Variants in ALPG observed in about 807,000 individuals in gnomAD.
ALPG encodes alkaline phosphatase, germ cell.
In ALPG, 32 loss-of-function variants were observed where a neutral mutation model predicts 48.6. The ratio of observed to expected loss-of-function variants is 0.66; its 90% CI spans 0.50 to 0.88. ALPG has a LOEUF of 0.88. Ranked by LOEUF, ALPG falls within the 40% of genes least tolerant of loss-of-function variation. The pLI, the probability that ALPG is intolerant of heterozygous loss-of-function variation, is 0.00. For missense variants in ALPG, 533 were observed against 718.1 expected (o/e 0.74, Z 2.95); for synonymous variants, 244 against 308.9 (o/e 0.79, Z 2.20).
rs576271845 is a variant in ALPG, at chr2:232,407,956, C to A, written c.587C>A (p.Ser196Ter). The A allele has an allele frequency of 1.2e-6, 2 of 1,613,134 alleles. No homozygotes were observed. The highest frequency in any genetic ancestry group is 4.5e-5 in the East Asian group (2 of 44,888). Residue 196 changes from serine (S) to a stop codon, truncating the protein, a stop_gained, in exon 5 of 11, where the codon TCG becomes TAG. Coordinates refer to ENST00000295453, the MANE Select transcript of ALPG (RefSeq NM_031313.3). LOFTEE classifies it high-confidence loss of function. ...TACTCGGATGCCGACGTGCCTGCCT[C>A]GGCCCGCCAGGAGGGGTGCCAGGAC... ...NWYSDADVPA[S>*]ARQEGCQDIA...
rs1697117676 is a variant in ALPG, at chr2:232,407,831, T to C, written c.476-14T>C. On this transcript the variant is annotated splice_polypyrimidine_tract_variant and intron_variant, in intron 4 of 10. Coordinates refer to ENST00000295453, the MANE Select transcript of ALPG (RefSeq NM_031313.3). ...CAGACCTCTATCGCATATCCTGACC[T>C]CTATCACCCTCAGGAAAGTCAGTGG... The C allele has an allele frequency of 2.5e-6, 4 of 1,613,606 alleles. No homozygotes were observed. The highest frequency in any genetic ancestry group is 1.3e-5 in the African/African-American group (1 of 75,062).
In ALPG at chr2:232,407,766, C is replaced by G. The variant is rs1194904518; in HGVS notation, c.473C>G (p.Ala158Gly). Residue 158 changes from alanine (A) to glycine (G), a missense_variant and splice_region_variant, in exon 4 of 11, where the codon GCA becomes GGA. Ala to Gly is a moderately conservative substitution (Grantham distance 60). Around this residue, in one of 6 missense-constraint regions of ALPG, gnomAD observed 315 missense variants for 305.8 expected, o/e 1.03. Transcript: ENST00000295453. Reference sequence around the variant, plus strand: ...TCCGTGATGAATCGGGCCAAGAAAGCAGGTGAGCTGGGGCCCGCTGTGGGG... The same window carrying G: ...TCCGTGATGAATCGGGCCAAGAAAGGAGGTGAGCTGGGGCCCGCTGTGGGG... ...VISVMNRAKK[A>G]GKSVGVVTTT... 1.9e-6 allele frequency: 3 copies of G among 1,613,792 alleles called. No homozygotes were observed. In the East Asian group the frequency reaches 6.7e-5, roughly 36 times the overall value.
chr2:232,407,762 A>C lies in ALPG; in HGVS notation c.469A>C (p.Lys157Gln), dbSNP rs3116148. The C allele has an allele frequency of 6.2e-7, 1 of 1,613,822 alleles. No homozygotes were observed. The highest frequency in any genetic ancestry group is 8.5e-7 in the Non-Finnish European group (1 of 1,180,018). Residue 157 changes from lysine (K) to glutamine (Q), a missense_variant, in exon 4 of 11, where the codon AAA (lysine) becomes CAA (glutamine). Transcript: ENST00000295453. ...EVISVMNRAK[K>Q]AGKSVGVVTT... ...CATCTCCGTGATGAATCGGGCCAAGAAAGCAGGTGAGCTGGGGCCCGCTGT... is the reference window on the plus strand; with the variant it reads ...CATCTCCGTGATGAATCGGGCCAAGCAAGCAGGTGAGCTGGGGCCCGCTGT...
chr2:232,409,857 G>C lies in ALPG; in HGVS notation c.1584G>C (p.Thr528=), dbSNP rs765257292. Residue 528 remains threonine, a synonymous_variant, in exon 11 of 11, where the codon ACG becomes ACC. Coordinates refer to ENST00000295453, the MANE Select transcript of ALPG (RefSeq NM_031313.3). ...LLAGTLLLLG[T]ATAP is the part of the protein sequence containing the mutation. ...CAGGGACCTTGCTGCTGCTGGGGAC[G>C]GCCACTGCTCCCTGAGTGTCCCGTC... 6.3e-7 allele frequency: 1 copy of C among 1,575,536 alleles called. No homozygotes were observed. Among genetic ancestry groups the C allele is most frequent in the Non-Finnish European group, 8.6e-7 (1 of 1,165,208 alleles).
At position 232,409,922 on chromosome 2, in the gene ALPG, C is replaced by T. The variant is rs996024324; in HGVS notation, c.*50C>T. On this transcript the variant is annotated 3_prime_UTR_variant, in exon 11 of 11. Transcript: ENST00000295453. The stretch of plus-strand genomic sequence containing the variant: ...TTCCCCATCCCGGAGTTCCCCTGCT[C>T]CCCACCTCCAGTCGTCCTGCCGGAC... The T allele has an allele frequency of 1.4e-5, 21 of 1,493,218 alleles. No homozygotes were observed. Among genetic ancestry groups the T allele is most frequent in the Non-Finnish European group, 1.6e-5 (18 of 1,127,988 alleles). 92.5% of individuals were successfully genotyped at this position (1,493,218 alleles called of 1,614,324 possible).
Position 232,407,631 on chromosome 2 carries a change from C to T in ALPG, c.338C>T (p.Ala113Val), listed in dbSNP as rs1241167044. Residue 113 changes from alanine (A) to valine (V), a missense_variant, in exon 4 of 11, where the codon GCC becomes GTC. Around this residue, in one of 6 missense-constraint regions of ALPG, gnomAD observed 315 missense variants for 305.8 expected, o/e 1.03. Coordinates refer to ENST00000295453, the MANE Select transcript of ALPG (RefSeq NM_031313.3). Reference protein sequence around the residue: ...SVDKHVPDSGATATAYLCGVK... With the variant: ...SVDKHVPDSGVTATAYLCGVK... ...GACAAGCATGTGCCAGACAGTGGAG[C>T]CACAGCCACGGCCTACCTGTGCGGG... The T allele has an allele frequency of 6.2e-7, 1 of 1,613,808 alleles. No individual in the cohort carries two copies. Among genetic ancestry groups the T allele is most frequent in the Non-Finnish European group, 8.5e-7 (1 of 1,180,026 alleles).
rs553327255 is a variant in ALPG, at chr2:232,409,981, C to T, written c.*109C>T. The T allele has an allele frequency of 6.3e-6, 9 of 1,422,172 alleles. 1 individual carries two copies. In the East Asian group the frequency reaches 7.5e-5, roughly 12 times the overall value. The allele number at this position is 1,422,172 out of a possible 1,614,324, so 88.1% of individuals were successfully genotyped here. ...GGAGCTGTCACCCCCGGAGTCGCCACACAGACGTCCTGCCATGGAACCTTC... is the reference window on the plus strand; with the variant it reads ...GGAGCTGTCACCCCCGGAGTCGCCATACAGACGTCCTGCCATGGAACCTTC... On this transcript the variant is annotated 3_prime_UTR_variant, in exon 11 of 11. Coordinates refer to ENST00000295453, the MANE Select transcript of ALPG (RefSeq NM_031313.3).
Position 232,407,999 on chromosome 2 carries a change from C to T in ALPG, c.630C>T (p.Ile210=). 6.2e-7 allele frequency: 1 copy of T among 1,612,150 alleles called. No homozygotes were observed. The highest frequency in any genetic ancestry group is 8.5e-7 in the Non-Finnish European group (1 of 1,179,444). The stretch of plus-strand genomic sequence containing the variant: ...GCCAGGACATCGCCACGCAGCTCAT[C>T]TCCAACATGGACATTGATGTGCGAC... The part of the protein sequence containing the change: ...EGCQDIATQL[I]SNMDIDVILG... The change falls in exon 5 of 11, where the codon ATC becomes ATT. Residue 210 remains isoleucine, a synonymous_variant. Transcript: ENST00000295453.
rs766956178 is a variant in ALPG, at chr2:232,407,098, G to A, written c.109G>A (p.Glu37Lys). Reference sequence around the variant, plus strand: ...GGACTTCTGGAACCGCCAGGCAGCCGAGGCCCTGGGTGCCGCCAAGAAGCT... The same window carrying A: ...GGACTTCTGGAACCGCCAGGCAGCCAAGGCCCTGGGTGCCGCCAAGAAGCT... ...NPDFWNRQAA[E>K]ALGAAKKLQP... The change falls in exon 2 of 11, where the codon GAG becomes AAG. Residue 37 changes from glutamate to lysine, a missense_variant. Physicochemically the swap from Glu to Lys is moderately conservative, Grantham distance 56. Around this residue, in one of 6 missense-constraint regions of ALPG, gnomAD observed 315 missense variants for 305.8 expected, o/e 1.03. Coordinates refer to ENST00000295453, the MANE Select transcript of ALPG (RefSeq NM_031313.3). The A allele has an allele frequency of 1.2e-5, 20 of 1,613,808 alleles. No homozygotes were observed. The highest frequency in any genetic ancestry group is 3.3e-5 in the Admixed American group (2 of 59,982).
rs766272646 is a variant in ALPG, at chr2:232,407,961, C to A, written c.592C>A (p.Arg198Ser). The change falls in exon 5 of 11, where the codon CGC (arginine) becomes AGC (serine). Residue 198 changes from arginine (R) to serine (S), a missense_variant. Physicochemically the swap from Arg to Ser is moderately radical, Grantham distance 110. Coordinates refer to ENST00000295453, the MANE Select transcript of ALPG (RefSeq NM_031313.3). Reference sequence around the variant, plus strand: ...GGATGCCGACGTGCCTGCCTCGGCCCGCCAGGAGGGGTGCCAGGACATCGC... The same window carrying A: ...GGATGCCGACGTGCCTGCCTCGGCCAGCCAGGAGGGGTGCCAGGACATCGC... ...YSDADVPASA[R>S]QEGCQDIATQ... 2 of 1,613,044 alleles carry A rather than the reference C, an allele frequency of 1.2e-6. No homozygotes were observed. Among genetic ancestry groups the A allele is most frequent in the African/African-American group, 1.3e-5 (1 of 74,934 alleles).
Position 232,409,835 on chromosome 2 carries a change from G to T in ALPG, c.1562G>T (p.Gly521Val). Reference protein sequence around the residue: ...VVPALLPLLAGTLLLLGTATA... With the variant: ...VVPALLPLLAVTLLLLGTATA... ...CCCGCGTTGCTTCCTCTGCTGGCAG[G>T]GACCTTGCTGCTGCTGGGGACGGCC... The change falls in exon 11 of 11, where the codon GGG becomes GTG. Residue 521 changes from glycine to valine, a missense_variant. By Grantham distance (109) the Gly-to-Val change is moderately radical (BLOSUM62 -3). Coordinates refer to ENST00000295453, the MANE Select transcript of ALPG (RefSeq NM_031313.3). 6.3e-7 allele frequency: 1 copy of T among 1,587,270 alleles called. No individual in the cohort carries two copies. The highest frequency in any genetic ancestry group is 8.5e-7 in the Non-Finnish European group (1 of 1,169,888).
chr2:232,409,429 T>C lies in ALPG; in HGVS notation c.1281T>C (p.Asp427=). The change falls in exon 10 of 11, where the codon GAT becomes GAC. Residue 427 remains aspartate, a synonymous_variant. Transcript: ENST00000295453. ...GYVLKDGARP[D]VTESESGSPE... is the part of the protein sequence containing the mutation. ...TGCTCAAGGACGGCGCCCGGCCGGA[T>C]GTTACGGAGAGCGAGAGCGGTGAGT... 2 of 1,455,074 alleles carry C rather than the reference T, an allele frequency of 1.4e-6. No individual in the cohort carries two copies. Among genetic ancestry groups the C allele is most frequent in the Non-Finnish European group, 1.9e-6 (2 of 1,057,074 alleles). The allele number at this position is 1,455,074 out of a possible 1,614,324, so 90.1% of individuals were successfully genotyped here.
At position 232,409,609 on chromosome 2, in the gene ALPG, C is replaced by T. The variant is rs773454100; in HGVS notation, c.1336C>T (p.Leu446=). 5.6e-6 allele frequency: 9 copies of T among 1,612,810 alleles called. No individual in the cohort carries two copies. Among genetic ancestry groups the T allele is most frequent in the Non-Finnish European group, 6.8e-6 (8 of 1,179,778 alleles). Residue 446 remains leucine (L), a synonymous_variant, in exon 11 of 11, where the codon CTG becomes TTG. Transcript: ENST00000295453. ...GTATCGGCAGCAGTCAGCAGTGCCC[C>T]TGGACGGAGAGACCCACGCAGGCGA... ...PEYRQQSAVP[L]DGETHAGEDV... is the part of the protein sequence containing the mutation.
At position 232,407,091 on chromosome 2, in the gene ALPG, G is replaced by A; in HGVS notation, c.102G>A (p.Gln34=). The change falls in exon 2 of 11, where the codon CAG becomes CAA. Residue 34 remains glutamine, a synonymous_variant. Transcript: ENST00000295453. ...AGAACCCGGACTTCTGGAACCGCCA[G>A]GCAGCCGAGGCCCTGGGTGCCGCCA... ...EEENPDFWNR[Q]AAEALGAAKK... 1 of 1,613,854 alleles carries A rather than the reference G, an allele frequency of 6.2e-7. No homozygotes were observed. The highest frequency in any genetic ancestry group is 8.5e-7 in the Non-Finnish European group (1 of 1,180,000).
chr2:232,408,499 A>G lies in ALPG; in HGVS notation c.784-2A>G. The G allele has an allele frequency of 1.3e-6, 2 of 1,594,340 alleles. No individual in the cohort carries two copies. Among genetic ancestry groups the G allele is most frequent in the African/African-American group, 2.8e-5 (2 of 72,092 alleles). On this transcript the variant is annotated splice_acceptor_variant, in intron 6 of 10. Transcript: ENST00000295453. LOFTEE classifies it high-confidence loss of function. ...GAGGCCTGGCTCTCTCCCTCCCCGCAGGGTGCCCGGTACGTGTGGAACCGC... is the reference window on the plus strand; with the variant it reads ...GAGGCCTGGCTCTCTCCCTCCCCGCGGGGTGCCCGGTACGTGTGGAACCGC...
chr2:232,407,726 G>C lies in ALPG; in HGVS notation c.433G>C (p.Gly145Arg). The C allele has an allele frequency of 6.2e-7, 1 of 1,613,726 alleles. No individual in the cohort carries two copies. The highest frequency in any genetic ancestry group is 8.5e-7 in the Non-Finnish European group (1 of 1,179,986). Residue 145 changes from glycine to arginine, a missense_variant, in exon 4 of 11, where the codon GGC (glycine) becomes CGC (arginine). Around this residue, in one of 6 missense-constraint regions of ALPG, gnomAD observed 315 missense variants for 305.8 expected, o/e 1.03. Transcript: ENST00000295453. ...CTTTAACCAGTGCAACACGACACGC[G>C]GCAACGAGGTCATCTCCGTGATGAA... ...ARFNQCNTTR[G>R]NEVISVMNRA...
Position 232,408,021 on chromosome 2 carries a change from C to T in ALPG, c.648+4C>T, listed in dbSNP as rs370897967. The T allele has an allele frequency of 9.3e-6, 15 of 1,606,364 alleles. No individual in the cohort carries two copies. The highest frequency in any genetic ancestry group is 1.3e-5 in the African/African-American group (1 of 74,880). The stretch of plus-strand genomic sequence containing the variant: ...CATCTCCAACATGGACATTGATGTG[C>T]GACCCCCGGGCCAAGGGCTGGGGCT... On this transcript the variant is annotated splice_donor_region_variant and intron_variant, in intron 5 of 10. Transcript: ENST00000295453.
rs751728680 is a variant in ALPG, at chr2:232,407,910, C to T, written c.541C>T (p.His181Tyr). 8 of 1,613,394 alleles carry T rather than the reference C, an allele frequency of 5.0e-6. No individual in the cohort carries two copies. In the African/African-American group the frequency reaches 5.3e-5, roughly 11 times the overall value. The change falls in exon 5 of 11, where the codon CAC becomes TAC. Residue 181 changes from histidine (H) to tyrosine (Y), a missense_variant. Coordinates refer to ENST00000295453, the MANE Select transcript of ALPG (RefSeq NM_031313.3). ...TGCCTCGCCAGCCGGCGCCTACGCCCACACGGTGAACCGCAACTGGTACTC... is the reference window on the plus strand; with the variant it reads ...TGCCTCGCCAGCCGGCGCCTACGCCTACACGGTGAACCGCAACTGGTACTC... ...QHASPAGAYAHTVNRNWYSDA... is the reference protein window; with the variant it reads ...QHASPAGAYAYTVNRNWYSDA...
chr2:232,409,652 C>T lies in ALPG; in HGVS notation c.1379C>T (p.Ala460Val), dbSNP rs751216452. ...THAGEDVAVF[A>V]RGPQAHLVHG... ...GCAGGCGAGGACGTGGCGGTGTTCG[C>T]GCGCGGCCCGCAGGCGCACCTGGTT... Residue 460 changes from alanine (A) to valine (V), a missense_variant, in exon 11 of 11, where the codon GCG becomes GTG. Around this residue, in one of 6 missense-constraint regions of ALPG, gnomAD observed 145 missense variants for 174.3 expected, o/e 0.83. Transcript: ENST00000295453. 3.7e-6 allele frequency: 6 copies of T among 1,611,854 alleles called. No homozygotes were observed. Among genetic ancestry groups the T allele is most frequent in the Non-Finnish European group, 5.1e-6 (6 of 1,179,386 alleles).
Sources: allele counts gnomAD v4.1 joint callset, GRCh38; gene constraint gnomAD v4.1.1; regional missense constraint gnomAD v4.1.1; transcripts MANE v1.5; gene names NCBI Gene and HGNC (gene_info 2026-07-23, HGNC 2026-07-21).